TRIM44: variants seen among roughly 807,000 people sequenced by gnomAD.
TRIM44 encodes tripartite motif-containing protein 44.
A neutral mutation model predicts 37.4 loss-of-function variants in TRIM44; 13 were observed. The ratio of observed to expected loss-of-function variants is 0.35; its 90% confidence interval spans 0.23 to 0.55. The LOEUF (loss-of-function observed/expected upper bound fraction) is 0.55, where lower values mean the gene tolerates loss of function less well. TRIM44 is among the 20% of genes least tolerant of loss of function. TRIM44 has a pLI of 0.89. For synonymous variants in TRIM44, 175 were observed against 157.2 expected (o/e 1.11, Z -0.85); for missense variants, 426 against 437.2 (o/e 0.97, Z 0.23).
chr11:35,711,811 C>T (rs1851978218), intron 2 of TRIM44, among the ~76,000 whole-genome samples: 1 of 152,086 alleles, frequency 6.6e-6, no homozygotes, highest in Non-Finnish European at 1.5e-5. Context: ...AGCCTCCAGT[C>T]CGGAGAATAA....
chr11:35,773,840 A>G (rs1852910733), intron 4 of TRIM44, among the ~76,000 whole-genome samples: 1 of 152,194 alleles, frequency 6.6e-6, no homozygotes, highest in Non-Finnish European at 1.5e-5. Flanking sequence ...CGTGGTGTAT[A>G]TGTGCCACAT....
chr11:35,795,863 A>G (rs116572625), intron 4 of TRIM44, among the ~76,000 whole-genome samples: 227 of 152,358 alleles, frequency 1.5e-3, no homozygotes, highest in African/African-American at 5.3e-3. Context: ...TTAAATAACT[A>G]TAAAATGTTT....
rs1302540839 is a variant in TRIM44, at chr11:35,816,103, C to T, written c.*9718C>T. 6.6e-6 allele frequency: 1 copy of T among 152,192 alleles called. No homozygotes were observed. The highest frequency in any genetic ancestry group is 1.5e-5 in the Non-Finnish European group (1 of 68,038). 9.4% of individuals were successfully genotyped at this position (152,192 alleles called of 1,614,324 possible). A position where few individuals can be genotyped will look rare whatever the true frequency, so the allele number is the denominator to read the frequency against. On this transcript the variant is annotated 3_prime_UTR_variant, in exon 5 of 5. Transcript: ENST00000299413. The stretch of plus-strand genomic sequence containing the variant: ...GCTCCCCCTCCCTTTTATCACTCCA[C>T]CCTGCCTCTACTCCTCCGCCTCCTA...
Position 35,725,062 on chromosome 11 carries a change from ACACT to A in TRIM44, c.748-858_748-855del, listed in dbSNP as rs1241701436. On this transcript the variant is annotated intron_variant, in intron 2 of 4. Coordinates refer to ENST00000299413, the MANE Select transcript of TRIM44 (RefSeq NM_017583.6). ...GAATGGTTAACTAGGAGACATGCAC[ACACT>A]CACACACACACACACACACACACAC... Among the ~76,000 whole-genome samples the A allele has an allele frequency of 4.6e-3, 410 of 88,586 alleles. 4 individuals are homozygous for A. The highest frequency in any genetic ancestry group is 0.032 in the African/African-American group (376 of 11,862). The allele number at this position is 88,586 out of a possible 152,430, so 58.1% of individuals were successfully genotyped here.
intron 4 of TRIM44, among the ~76,000 whole-genome samples, chr11:35,804,571 A>G (rs1026469574): frequency 6.6e-6 from 1 of 152,236 alleles, no homozygotes; most frequent in Non-Finnish European, 1.5e-5. Context: ...TGACAAGAGA[A>G]CAATGAGAGC....
rs1391920891 is a variant in TRIM44 at position 35,667,233 on chromosome 11, TTTTCTC to T, written c.669+3458_669+3463del. Among the ~76,000 whole-genome samples, 28 of 152,202 alleles carry T rather than the reference TTTTCTC, an allele frequency of 1.8e-4. 1 individual carries two copies. Among genetic ancestry groups the T allele is most frequent in the African/African-American group, 6.3e-4 (26 of 41,466 alleles). ...TGCATCTTTTGGGATGATCATGTGA[TTTTCTC>T]TTTCACTTTTATGATGATGAATTAC... is the stretch of plus-strand genomic sequence containing the variant. On this transcript the variant is annotated intron_variant, in intron 1 of 4. Coordinates refer to ENST00000299413, the MANE Select transcript of TRIM44 (RefSeq NM_017583.6).
intron 1 of TRIM44, among the ~76,000 whole-genome samples, chr11:35,666,594 T>C (rs977187985): frequency 6.6e-6 from 1 of 152,132 alleles, no homozygotes; most frequent in African/African-American, 2.4e-5. Context: ...ACTTCATAAT[T>C]TTATAATATT....
intron 3 of TRIM44, among the ~76,000 whole-genome samples, chr11:35,733,611 T>C (rs536457079): frequency 6.6e-6 from 1 of 152,298 alleles, no homozygotes; most frequent in African/African-American, 2.4e-5. Flanking sequence ...CTTCCCACTA[T>C]TGCAGATCTT....
intron 2 of TRIM44, among the ~76,000 whole-genome samples, chr11:35,710,160 C>G (rs1851949549): frequency 6.6e-6 from 1 of 152,114 alleles, no homozygotes; most frequent in Non-Finnish European, 1.5e-5. Context: ...TCAATCTTGT[C>G]TATTAAGTTA....
At chr11:35,740,431 G>C (rs1171176447) in intron 4 of TRIM44, among the ~76,000 whole-genome samples, 1 of 152,136 alleles carries the variant, frequency 6.6e-6, no homozygotes, top group African/African-American at 2.4e-5. Context: ...ATTTTGATTT[G>C]CTATTGAGGT....
At chr11:35,773,035 C>G (rs1393531315) in intron 4 of TRIM44, among the ~76,000 whole-genome samples, 1 of 152,104 alleles carries the variant, frequency 6.6e-6, no homozygotes, top group African/African-American at 2.4e-5. Context: ...GGTGGTTTCC[C>G]CCATGCTATT....
intron 4 of TRIM44, among the ~76,000 whole-genome samples, chr11:35,771,731 GA>G (rs67692890): frequency 0.56 from 71,833 of 128,704 alleles, 17,045 homozygotes; most frequent in Middle Eastern, 0.69. Flanking sequence ...TCTCAAAAAA[GA>G]AAAAAAAAAA....
At chr11:35,729,676 G>C (rs1852228475) in intron 3 of TRIM44, among the ~76,000 whole-genome samples, 1 of 152,174 alleles carries the variant, frequency 6.6e-6, no homozygotes, top group Admixed American at 6.5e-5. Flanking sequence ...GGGCAGACAA[G>C]AATAGCACTG....
chr11:35,671,133 C>T (rs1851388871), intron 1 of TRIM44, among the ~76,000 whole-genome samples: 1 of 152,118 alleles, frequency 6.6e-6, no homozygotes, highest in Non-Finnish European at 1.5e-5. Context: ...GGGAATATAG[C>T]AGTGAACAAA....
intron 4 of TRIM44, among the ~76,000 whole-genome samples, chr11:35,779,528 GGGAGCTGTAGACT>G (rs1853030547): frequency 6.6e-6 from 1 of 152,138 alleles, no homozygotes; most frequent in African/African-American, 2.4e-5. Flanking sequence ...TGCTCACGCT[GGGAGCTGTAGACT>G]GGAGCTGTTC....
intron 3 of TRIM44, among the ~76,000 whole-genome samples, chr11:35,727,713 C>T (rs1295690317): frequency 6.6e-6 from 1 of 151,984 alleles, no homozygotes; most frequent in African/African-American, 2.4e-5. Flanking sequence ...AGATACTGAC[C>T]CAATATCATT....
rs201464930 is a variant in TRIM44 at position 35,803,987 on chromosome 11, G to GAA, written c.1008-2356_1008-2355dup. On this transcript the variant is annotated intron_variant, in intron 4 of 4. Coordinates refer to ENST00000299413, the MANE Select transcript of TRIM44 (RefSeq NM_017583.6). ...TTCTTTGAAGGTACTGTTCTGGGAA[G>GAA]AAAAAAAAAAAAAAAAGGTTCTTCC... Among the ~76,000 whole-genome samples, 6 of 118,116 alleles carry GAA rather than the reference G, an allele frequency of 5.1e-5. No homozygotes were observed. The East Asian group carries it at 9.8e-4, about 19-fold the overall frequency. 77.5% of individuals were successfully genotyped at this position (118,116 alleles called of 152,430 possible).
At chr11:35,746,845 C>G (rs1232829766) in intron 4 of TRIM44, among the ~76,000 whole-genome samples, 2 of 152,114 alleles carry the variant, frequency 1.3e-5, no homozygotes, top group African/African-American at 4.8e-5. Flanking sequence ...CGAAGAAAAA[C>G]ATTTTCTTAT....
In TRIM44 at chr11:35,663,098, G is replaced by C. The variant is rs375521655; in HGVS notation, c.-14G>C. 4.3e-5 allele frequency: 64 copies of C among 1,499,856 alleles called. No individual in the cohort carries two copies. Among genetic ancestry groups the C allele is most frequent in the Middle Eastern group, 1.8e-4 (1 of 5,508 alleles). 92.9% of individuals were successfully genotyped at this position (1,499,856 alleles called of 1,614,324 possible). The stretch of plus-strand genomic sequence containing the variant: ...CCCGGGGCCCCGAGGCCTTGGCCGC[G>C]TCACAGCACCCACATGGCCTCTGGA... On this transcript the variant is annotated 5_prime_UTR_variant, in exon 1 of 5. Transcript: ENST00000299413.
Sources: gnomAD v4.1 joint callset for allele counts (sites outside exome capture counted in the v4.1 genomes callset) on GRCh38, gnomAD v4.1.1 for gene constraint, MANE v1.5 for transcripts, NCBI Gene and HGNC (gene_info 2026-07-23, HGNC 2026-07-21) for gene names.